Variants in HEG1 observed in about 807,000 individuals in gnomAD.
HEG1 encodes the protein protein HEG homolog 1.
HEG1 carries 56 observed loss-of-function variants against 125.6 expected under a neutral mutation model. That is an observed-to-expected ratio of 0.45 (90% CI 0.36 to 0.56). The LOEUF (loss-of-function observed/expected upper bound fraction) is 0.56. Ranked by LOEUF, HEG1 falls within the 20% of genes least tolerant of loss-of-function variation. The pLI, the probability that HEG1 is intolerant of heterozygous loss-of-function variation, is 0.00. For synonymous variants in HEG1, 644 were observed against 668.5 expected (o/e 0.96, Z 0.57); for missense variants, 1,523 against 1,670.0 (o/e 0.91, Z 1.53).
intron 1 of HEG1, among the ~76,000 whole-genome samples, chr3:125,031,719 CAT>C (rs1937505290): frequency 2.6e-5 from 4 of 151,146 alleles, no homozygotes; most frequent in Admixed American, 6.6e-5. Context: ...CACACACACA[CAT>C]ACACACACAG....
intron 11 of HEG1, among the ~76,000 whole-genome samples, chr3:124,999,571 C>T (rs1230700961): frequency 2.0e-5 from 3 of 152,252 alleles, no homozygotes; most frequent in Non-Finnish European, 4.4e-5. Flanking sequence ...AGCCTGCTGG[C>T]AAATCACTCT....
At chr3:125,008,293 T>C (rs1253339066) in intron 8 of HEG1, among the ~76,000 whole-genome samples, 2 of 152,266 alleles carry the variant, frequency 1.3e-5, no homozygotes, top group African/African-American at 4.8e-5. Context: ...TTGATCTTTG[T>C]ATTTTAAACA....
intron 5 of HEG1, chr3:125,015,094 T>TG: frequency 1.1e-5 from 11 of 990,734 alleles, no homozygotes; most frequent in African/African-American, 1.7e-5. Context: ...CTTCCTGGGC[T>TG]GTGGGAGCCA....
chr3:124,977,922 A>G lies in HEG1; in HGVS notation c.3758T>C (p.Ile1253Thr), dbSNP rs1281676897. 6.3e-7 allele frequency: 1 copy of G among 1,579,474 alleles called. No homozygotes were observed. ...CAGGAGCCCACCTCCCGCGGCTGCG[A>G]TCACCACAGTGATAAGCTGATAGGC... ...GNPYQLITVV[I>T]AAAGGGLLLI... Residue 1253 changes from isoleucine (I) to threonine (T), a missense_variant, in exon 15 of 17, where the codon ATC (isoleucine) becomes ACC (threonine). Transcript: ENST00000311127.
At chr3:125,002,229 C>T in intron 10 of HEG1, 28 bp downstream of exon 10, 1 of 1,601,636 alleles carries the variant, frequency 6.2e-7, no homozygotes. Flanking sequence ...CAGACTAGTT[C>T]ACAAGCAAAT....
intron 14 of HEG1, among the ~76,000 whole-genome samples, chr3:124,982,922 C>G (rs1936678073): frequency 6.6e-6 from 1 of 152,168 alleles, no homozygotes; most frequent in Non-Finnish European, 1.5e-5. Flanking sequence ...ACCTCCCCAC[C>G]CCCAACCAAG....
At chr3:125,011,131 A>C (rs921590987) in intron 6 of HEG1, among the ~76,000 whole-genome samples, 8 of 152,338 alleles carry the variant, frequency 5.3e-5, no homozygotes, top group African/African-American at 1.9e-4. Flanking sequence ...AATATGCTTC[A>C]TACAGGTTTC....
intron 1 of HEG1, among the ~76,000 whole-genome samples, chr3:125,039,841 A>AAG (rs923231724): frequency 1.3e-5 from 2 of 151,780 alleles, no homozygotes; most frequent in Admixed American, 6.6e-5. Flanking sequence ...GAGCCAAAAA[A>AAG]AAAAAAAACA....
chr3:125,005,423 CTG>C (rs920501629), intron 8 of HEG1, 55 bp from the exon 9 acceptor site: 6 of 978,910 alleles, frequency 6.1e-6, no homozygotes, highest in Non-Finnish European at 7.7e-6. Context: ...CTATGCAAGG[CTG>C]TGTGTTTGCA....
At chr3:125,004,289 T>C (rs1165922662) in intron 9 of HEG1, among the ~76,000 whole-genome samples, 1 of 152,240 alleles carries the variant, frequency 6.6e-6, no homozygotes, top group African/African-American at 2.4e-5. Flanking sequence ...CAAGTAACAT[T>C]GAGATTGGAA....
At chr3:125,023,201 C>CA (rs1156454148) in intron 3 of HEG1, among the ~76,000 whole-genome samples, 5 of 148,110 alleles carry the variant, frequency 3.4e-5, no homozygotes, top group African/African-American at 7.5e-5. Context: ...CTCAAACAAA[C>CA]AAAAAAACAA....
Position 125,013,870 on chromosome 3 carries a change from G to C in HEG1, c.1709C>G (p.Ser570Cys). The C allele has an allele frequency of 6.2e-7, 1 of 1,613,928 alleles. No individual in the cohort carries two copies. The highest frequency in any genetic ancestry group is 8.5e-7 in the Non-Finnish European group (1 of 1,179,856). ...TFTKGERALL[S>C]ITDNSSSSDI... The stretch of plus-strand genomic sequence containing the variant: ...TGAGGATGAACTGTTATCTGTAATG[G>C]ACAGTAACGCCCGTTCTCCTTTGGT... Residue 570 changes from serine to cysteine, a missense_variant, in exon 6 of 17, where the codon TCC (serine) becomes TGC (cysteine). Physicochemically the swap from Ser to Cys is moderately radical, Grantham distance 112. Coordinates refer to ENST00000311127, the MANE Select transcript of HEG1 (RefSeq NM_020733.2).
At chr3:125,029,534 A>G in intron 1 of HEG1, 46 bp from the exon 2 acceptor site, 1 of 1,541,758 alleles carries the variant, frequency 6.5e-7, no homozygotes, top group Non-Finnish European at 8.7e-7. Flanking sequence ...CTGGCTTCTG[A>G]CAAGAAAAGT....
intron 6 of HEG1, 42 bp from the exon 7 acceptor site, chr3:125,010,597 A>G (rs1292225391): frequency 4.2e-6 from 5 of 1,177,804 alleles, no homozygotes; most frequent in Non-Finnish European, 6.1e-6. Context: ...ACCACACAGG[A>G]AATGTAAAGG....
chr3:124,984,359 C>CAT (rs59996782), intron 14 of HEG1, among the ~76,000 whole-genome samples: 50,391 of 151,688 alleles, frequency 0.33, 8,852 homozygotes, highest in East Asian at 0.48. Context: ...ACAAAAGAGA[C>CAT]GTGGCAAATA....
intron 8 of HEG1, among the ~76,000 whole-genome samples, chr3:125,006,966 G>A (rs1389607796): frequency 6.6e-6 from 1 of 151,992 alleles, no homozygotes; most frequent in Non-Finnish European, 1.5e-5. Context: ...TTGGGAGGCC[G>A]AGGCGGGCGG....
intron 16 of HEG1, among the ~76,000 whole-genome samples, chr3:124,972,321 TCA>T (rs1441172224): frequency 1.3e-5 from 2 of 152,190 alleles, no homozygotes; most frequent in East Asian, 3.8e-4. Flanking sequence ...AGTTATAGCT[TCA>T]GTTAGTAAAG....
intron 15 of HEG1, among the ~76,000 whole-genome samples, chr3:124,975,717 A>G (rs1936523552): frequency 6.6e-6 from 1 of 152,200 alleles, no homozygotes; most frequent in East Asian, 1.9e-4. Context: ...ACAACCATTA[A>G]TCTACTTTCC....
At chr3:125,030,878 A>G (rs975059028) in intron 1 of HEG1, among the ~76,000 whole-genome samples, 8 of 152,174 alleles carry the variant, frequency 5.3e-5, no homozygotes, top group African/African-American at 1.9e-4. Flanking sequence ...GGAAGGGAAA[A>G]TGGTGGAGAG....
Sources: gnomAD v4.1 joint callset for allele counts (sites outside exome capture counted in the v4.1 genomes callset) on GRCh38, gnomAD v4.1.1 for gene constraint, MANE v1.5 for transcripts, NCBI Gene and HGNC (gene_info 2026-07-23, HGNC 2026-07-21) for gene names.